TNXB: variants seen among roughly 807,000 people sequenced by gnomAD.
TNXB encodes the protein tenascin XB.
In TNXB, 183 loss-of-function variants were observed where a neutral mutation model predicts 340.5. The observed-to-expected ratio is 0.54, with a 90% CI of 0.48 to 0.61. TNXB has a LOEUF of 0.61. Ranked by LOEUF, TNXB falls within the 20% of genes least tolerant of loss-of-function variation. The pLI, the probability that TNXB is intolerant of heterozygous loss-of-function variation, is 0.00. For synonymous variants in TNXB, 2,121 were observed against 2,314.5 expected (o/e 0.92, Z 2.40); for missense variants, 4,613 against 5,446.4 (o/e 0.85, Z 4.82).
At position 32,081,671 on chromosome 6, in the gene TNXB, G is replaced by C; in HGVS notation, c.3739C>G (p.Pro1247Ala). Residue 1247 changes from proline (P) to alanine (A), a missense_variant and splice_region_variant, in exon 10 of 44, where the codon CCA becomes GCA. Coordinates refer to ENST00000644971, the MANE Select transcript of TNXB (RefSeq NM_001365276.2). This position sits in a 1 kb window ranked among gnomAD's most constrained non-coding sequence, Gnocchi z 5.1. ...CGGGGGGGCTCCTCTTTCCTCTCTG[G>C]AGCTGTAAACAAGGAGATCCAGCCA... is the stretch of plus-strand genomic sequence containing the variant. ...GPLTADGTTA[P>A]ERKEEPPRPE... 1 of 1,575,364 alleles carries C rather than the reference G, an allele frequency of 6.3e-7. No homozygotes were observed. Among genetic ancestry groups the C allele is most frequent in the Non-Finnish European group, 8.6e-7 (1 of 1,159,782 alleles).
chr6:32,071,952 T>A, intron 13 of TNXB, 38 bp downstream of exon 13: 2 of 1,530,716 alleles, frequency 1.3e-6, no homozygotes, highest in Non-Finnish European at 1.8e-6. Context: ...GTGGGAAGGC[T>A]GTGGCCTCAG....
Position 32,081,739 on chromosome 6 carries a change from C to A in TNXB, c.3737-66G>T. ...CTGGGACTGGGGCTTGGGGTTTCGA[C>A]GGGATGTCACACCTATGGGGGGTGG... On this transcript the variant is annotated intron_variant, in intron 9 of 43. Coordinates refer to ENST00000644971, the MANE Select transcript of TNXB (RefSeq NM_001365276.2). This position sits in a 1 kb window ranked among gnomAD's most constrained non-coding sequence, Gnocchi z 5.1. The A allele has an allele frequency of 8.4e-7, 1 of 1,195,482 alleles. No homozygotes were observed. The highest frequency in any genetic ancestry group is 1.2e-6 in the Non-Finnish European group (1 of 858,840). The allele number at this position is 1,195,482 out of a possible 1,614,324, so 74.1% of individuals were successfully genotyped here.
At position 32,065,020 on chromosome 6, in the gene TNXB, C is replaced by A; in HGVS notation, c.6642G>T (p.Trp2214Cys). 6.2e-7 allele frequency: 1 copy of A among 1,610,426 alleles called. No homozygotes were observed. Among genetic ancestry groups the A allele is most frequent in the Non-Finnish European group, 8.5e-7 (1 of 1,178,788 alleles). The change falls in exon 19 of 44, where the codon TGG (tryptophan) becomes TGT (cysteine). Residue 2214 changes from tryptophan to cysteine, a missense_variant. By Grantham distance (215) the Trp-to-Cys change is radical. Around this residue, in one of 7 missense-constraint regions of TNXB, gnomAD observed 4,327 missense variants for 4,859.4 expected, o/e 0.89. Coordinates refer to ENST00000644971, the MANE Select transcript of TNXB (RefSeq NM_001365276.2). ...DITSDSLSLSWTVPEGQFDHF... is the reference protein window; with the variant it reads ...DITSDSLSLSCTVPEGQFDHF... The stretch of plus-strand genomic sequence containing the variant: ...GGTCAAACTGGCCCTCGGGGACTGT[C>A]CAGGAGAGGCTGAGGGAGTCGGAGG...
At chr6:32,063,222 T>A (rs1179886505) in intron 19 of TNXB, among the ~76,000 whole-genome samples, 2 of 151,826 alleles carry the variant, frequency 1.3e-5, no homozygotes, top group Non-Finnish European at 2.9e-5. Context: ...ATCCTGTCTG[T>A]ACTAAAAATA....
In TNXB at chr6:32,046,286, G is replaced by T; in HGVS notation, c.10495C>A (p.Gln3499Lys). ...AGGTCCTCTACGGTGACTGTGCGCT[G>T]GTCTGCGGCCACAGGCACTGCCCTG... ...QPRAVPVAAD[Q>K]RTVTVEDLEP... The change falls in exon 31 of 44, where the codon CAG becomes AAG. Residue 3499 changes from glutamine (Q) to lysine (K), a missense_variant. Physicochemically the swap from Gln to Lys is moderately conservative, Grantham distance 53. This residue lies in a region of TNXB where 4,327 missense variants were observed against 4,859.4 expected (regional missense o/e 0.89). Transcript: ENST00000644971. The surrounding 1 kb of genome is among the most constrained non-coding windows in gnomAD (Gnocchi z 6.9). The T allele has an allele frequency of 6.2e-7, 1 of 1,606,710 alleles. No homozygotes were observed. Among genetic ancestry groups the T allele is most frequent in the Non-Finnish European group, 8.5e-7 (1 of 1,178,186 alleles).
In TNXB at chr6:32,108,198, G is replaced by A. The variant is rs1401673204; in HGVS notation, c.-9+983C>T. 6.6e-6 allele frequency among the ~76,000 whole-genome samples: 1 copy of A among 152,186 alleles called. No homozygotes were observed. The highest frequency in any genetic ancestry group is 1.9e-4 in the East Asian group (1 of 5,194). On this transcript the variant is annotated intron_variant, in intron 1 of 43. Transcript: ENST00000644971. The surrounding 1 kb of genome is among the most constrained non-coding windows in gnomAD (Gnocchi z 4.8). The stretch of plus-strand genomic sequence containing the variant: ...AGAGGAGGGGCTGGAGATGCGGGAA[G>A]CAGGGGCAGGGCAGGCAGCAGCTGT...
chr6:32,070,287 G>A lies in TNXB; in HGVS notation c.5118C>T (p.Val1706=). 2 of 1,613,096 alleles carry A rather than the reference G, an allele frequency of 1.2e-6. No homozygotes were observed. The highest frequency in any genetic ancestry group is 1.7e-4 in the Middle Eastern group (1 of 6,060). The change falls in exon 14 of 44, where the codon GTC becomes GTT. Residue 1706 remains valine (V), a synonymous_variant. Coordinates refer to ENST00000644971, the MANE Select transcript of TNXB (RefSeq NM_001365276.2). This position sits in a 1 kb window ranked among gnomAD's most constrained non-coding sequence, Gnocchi z 6.0. ...VPEGQFDSFV[V]QFKDKDGPQV... ...GGGGCCCGTCTTTGTCCTTGAACTG[G>A]ACCACAAAAGAGTCGAACTGGCCCT...
rs747560876 is a variant in TNXB at position 32,095,758 on chromosome 6, G to C, written c.2095C>G (p.Arg699Gly). 3.1e-6 allele frequency: 5 copies of C among 1,613,626 alleles called. No individual in the cohort carries two copies. Among genetic ancestry groups the C allele is most frequent in the East Asian group, 2.2e-5 (1 of 44,866 alleles). The stretch of plus-strand genomic sequence containing the variant: ...TCTACACACACACACTGGCCTGCCC[G>C]GCACAGTTCCCGGGGCCCGCAGCCT... The part of the protein sequence containing the change: ...PGGCGPRELC[R>G]AGQCVCVEGF... The change falls in exon 3 of 44, where the codon CGG (arginine) becomes GGG (glycine). Residue 699 changes from arginine to glycine, a missense_variant. Arg to Gly is a moderately radical substitution (Grantham distance 125, BLOSUM62 -2). Around this residue, in one of 7 missense-constraint regions of TNXB, gnomAD observed 4,327 missense variants for 4,859.4 expected, o/e 0.89. Coordinates refer to ENST00000644971, the MANE Select transcript of TNXB (RefSeq NM_001365276.2).
Position 32,052,968 on chromosome 6 carries a change from G to T in TNXB, c.8817C>A (p.Pro2939=), listed in dbSNP as rs747538272. ...VTAAEEETPA[P]TEPSTEAPEP... The stretch of plus-strand genomic sequence containing the variant: ...CCGGGGCCTCCGTGCTGGGTTCTGT[G>T]GGGGCGGGAGTTTCTTCCTCTGCAG... Residue 2939 remains proline, a synonymous_variant, in exon 26 of 44, where the codon CCC becomes CCA. Coordinates refer to ENST00000644971, the MANE Select transcript of TNXB (RefSeq NM_001365276.2). The surrounding 1 kb of genome is among the most constrained non-coding windows in gnomAD (Gnocchi z 4.7). 1 of 1,611,610 alleles carries T rather than the reference G, an allele frequency of 6.2e-7. No homozygotes were observed.
intron 13 of TNXB, among the ~76,000 whole-genome samples, chr6:32,071,508 C>G (rs1244477730): frequency 1.3e-5 from 2 of 151,878 alleles, no homozygotes; most frequent in Non-Finnish European, 2.9e-5. Flanking sequence ...GAGGCAGAGT[C>G]AGCAGGGGAC....
chr6:32,090,175 A>C lies in TNXB; in HGVS notation c.2359-796T>G, dbSNP rs1473534656. 1.3e-5 allele frequency among the ~76,000 whole-genome samples: 2 copies of C among 152,222 alleles called. No homozygotes were observed. The highest frequency in any genetic ancestry group is 2.9e-5 in the Non-Finnish European group (2 of 68,040). ...CATCATGCTGGGCATTGGAGACACA[A>C]AAATAAAATATATGGTCCCTGTCCT... On this transcript the variant is annotated intron_variant, in intron 4 of 43. Transcript: ENST00000644971. The surrounding 1 kb of genome is among the most constrained non-coding windows in gnomAD (Gnocchi z 4.3).
intron 6 of TNXB, among the ~76,000 whole-genome samples, chr6:32,086,377 G>A (rs1439485815): frequency 1.3e-5 from 2 of 152,124 alleles, no homozygotes; most frequent in African/African-American, 4.8e-5. Context: ...CACCCCACAA[G>A]GCTTCCATGA....
At position 32,061,838 on chromosome 6, in the gene TNXB, T is replaced by A; in HGVS notation, c.7169-118A>T. ...CATATGAAATAGCCAAGGCTATGAC[T>A]AGGGGACCTGAGGTCAGTTCAGAGA... On this transcript the variant is annotated intron_variant, in intron 20 of 43. Coordinates refer to ENST00000644971, the MANE Select transcript of TNXB (RefSeq NM_001365276.2). The surrounding 1 kb of genome is among the most constrained non-coding windows in gnomAD (Gnocchi z 4.4). 1 of 1,379,986 alleles carries A rather than the reference T, an allele frequency of 7.2e-7. No homozygotes were observed. Among genetic ancestry groups the A allele is most frequent in the Non-Finnish European group, 9.7e-7 (1 of 1,025,776 alleles). The allele number at this position is 1,379,986 out of a possible 1,614,324, so 85.5% of individuals were successfully genotyped here. A position where few individuals can be genotyped will look rare whatever the true frequency, so the allele number is the denominator to read the frequency against.
rs1225929508 is a variant in TNXB, at chr6:32,052,829, A to G, written c.8956T>C (p.Tyr2986His). The change falls in exon 26 of 44, where the codon TAC (tyrosine) becomes CAC (histidine). Residue 2986 changes from tyrosine (Y) to histidine (H), a missense_variant. Transcript: ENST00000644971. This position sits in a 1 kb window ranked among gnomAD's most constrained non-coding sequence, Gnocchi z 4.7. ...QGRFDSFTVQ[Y>H]KDRDGRPQVV... ...TGGGGCCGCCCGTCCCTGTCCTTGT[A>G]CTGCACAGTGAAGGAGTCGAAGCGG... 5.0e-6 allele frequency: 8 copies of G among 1,613,470 alleles called. No individual in the cohort carries two copies. Among genetic ancestry groups the G allele is most frequent in the Admixed American group, 1.7e-5 (1 of 60,000 alleles).
In TNXB at chr6:32,081,761, G is replaced by T; in HGVS notation, c.3737-88C>A. On this transcript the variant is annotated intron_variant, in intron 9 of 43. Coordinates refer to ENST00000644971, the MANE Select transcript of TNXB (RefSeq NM_001365276.2). This position sits in a 1 kb window ranked among gnomAD's most constrained non-coding sequence, Gnocchi z 5.1. ...CGACGGGATGTCACACCTATGGGGG[G>T]TGGGGGGTCACTAGTCCATTAATTC... The T allele has an allele frequency of 3.6e-6, 3 of 822,484 alleles. No individual in the cohort carries two copies. Among genetic ancestry groups the T allele is most frequent in the East Asian group, 2.7e-5 (1 of 36,614 alleles). The allele number at this position is 822,484 out of a possible 1,614,324, so 50.9% of individuals were successfully genotyped here.
chr6:32,094,932 A>G (rs1455500593), intron 4 of TNXB, 144 bp downstream of exon 4: 1 of 650,990 alleles, frequency 1.5e-6, no homozygotes, highest in Non-Finnish European at 2.7e-6. Flanking sequence ...AGTGTCAAGC[A>G]GGCTAAGAAA....
At chr6:32,105,453 T>C (rs1283070625) in intron 1 of TNXB, among the ~76,000 whole-genome samples, 6 of 152,200 alleles carry the variant, frequency 3.9e-5, no homozygotes, top group Non-Finnish European at 7.3e-5. Context: ...CACTAGACTA[T>C]AAAGTCCATG....
Position 32,067,968 on chromosome 6 carries a change from G to T in TNXB, c.6237C>A (p.Thr2079=), listed in dbSNP as rs760066919. Residue 2079 remains threonine, a synonymous_variant, in exon 18 of 44, where the codon ACC becomes ACA. Transcript: ENST00000644971. The surrounding 1 kb of genome is among the most constrained non-coding windows in gnomAD (Gnocchi z 4.2). The part of the protein sequence containing the change: ...VVGVTAAEEE[T]PSPTEPSMEA... ...CCATGCTGGGTTCTGTGGGGCTGGG[G>T]GTCTCTTCCTCTGCAGCTGAGAAGG... The T allele has an allele frequency of 6.2e-7, 1 of 1,611,578 alleles. No homozygotes were observed. The highest frequency in any genetic ancestry group is 1.7e-5 in the Admixed American group (1 of 59,994).
At chr6:32,102,265 A>G (rs1188274482) in intron 1 of TNXB, among the ~76,000 whole-genome samples, 1 of 152,218 alleles carries the variant, frequency 6.6e-6, no homozygotes, top group Non-Finnish European at 1.5e-5. Flanking sequence ...TATAGTCTAT[A>G]ACCCAGATAT....
Sources: gnomAD v4.1 joint callset for allele counts (sites outside exome capture counted in the v4.1 genomes callset) on GRCh38, gnomAD v4.1.1 for gene constraint, gnomAD v4.1.1 regional missense constraint, Gnocchi (gnomAD v3.1) non-coding constraint, MANE v1.5 for transcripts, NCBI Gene and HGNC (gene_info 2026-07-23, HGNC 2026-07-21) for gene names.